SYTL2: variants seen among roughly 807,000 people sequenced by gnomAD.
The protein encoded by SYTL2 is synaptotagmin-like protein 2.
Under a neutral mutation model 198.7 loss-of-function variants are expected in SYTL2, and 165 were observed. The observed-to-expected ratio is 0.83, with a 90% confidence interval of 0.73 to 0.94. SYTL2 has a LOEUF of 0.94. SYTL2 is among the 40% of genes least tolerant of loss of function. The probability of loss-of-function intolerance (pLI) is 0.00; values close to 1 mark genes in which losing one functional copy is unlikely to be tolerated. For synonymous variants in SYTL2, 966 were observed against 917.7 expected (o/e 1.05, Z -0.95); for missense variants, 2,835 against 2,582.8 (o/e 1.10, Z -2.12).
chr11:85,715,270 A>G (rs897857335), intron 11 of SYTL2: 9 of 152,084 alleles, frequency 5.9e-5, no homozygotes, highest in Admixed American at 4.6e-4. Flanking sequence ...TTAGAAAACT[A>G]TTTTCTTCTT....
intron 1 of SYTL2, among the ~76,000 whole-genome samples, chr11:85,769,278 A>G (rs1223740861): frequency 6.6e-6 from 1 of 152,214 alleles, no homozygotes; most frequent in African/African-American, 2.4e-5. Context: ...TAGATTATCT[A>G]ATGAGGCCCA....
chr11:85,819,377 T>C, the SYTL2 span, among the ~76,000 whole-genome samples: 1 of 152,242 alleles, frequency 6.6e-6, no homozygotes, highest in Non-Finnish European at 1.5e-5. Flanking sequence ...CTCACGATTC[T>C]GTGGGTTGGA....
At position 85,724,932 on chromosome 11, in the gene SYTL2, G is replaced by A. The variant is rs761004510; in HGVS notation, c.4426C>T (p.Pro1476Ser). 5 of 1,614,088 alleles carry A rather than the reference G, an allele frequency of 3.1e-6. No individual in the cohort carries two copies. Among genetic ancestry groups the A allele is most frequent in the African/African-American group, 1.3e-5 (1 of 75,036 alleles). The change falls in exon 8 of 20, where the codon CCT becomes TCT. Residue 1476 changes from proline to serine, a missense_variant. Pro to Ser is a moderately conservative substitution (Grantham distance 74). Transcript: ENST00000359152. ...SIVAQYGKGLPQEVEEIVRET... is the reference protein window; with the variant it reads ...SIVAQYGKGLSQEVEEIVRET... ...CTCACAATTTCTTCCACTTCCTGAG[G>A]GAGGCCTTTGCCATATTGAGCAACA...
chr11:85,852,430 G>A, the SYTL2 span: 3 of 152,734 alleles, frequency 2.0e-5, no homozygotes, highest in Non-Finnish European at 4.4e-5. Context: ...CCCAGCGGAA[G>A]CTGGACTGTA....
In SYTL2 at chr11:85,757,721, A is replaced by G. The variant is rs2091948810; in HGVS notation, c.5T>C (p.Ile2Thr). 1 of 1,612,434 alleles carries G rather than the reference A, an allele frequency of 6.2e-7. No individual in the cohort carries two copies. The highest frequency in any genetic ancestry group is 8.5e-7 in the Non-Finnish European group (1 of 1,179,926). Residue 2 changes from isoleucine (I) to threonine (T), a missense_variant, in exon 2 of 20, where the codon ATT (isoleucine) becomes ACT (threonine). Ile to Thr is a moderately conservative substitution (Grantham distance 89). This residue lies in a region of SYTL2 where 2,645 missense variants were observed against 2,381.7 expected (regional missense o/e 1.11). Coordinates refer to ENST00000359152, the MANE Select transcript of SYTL2 (RefSeq NM_206927.4). ...CTCTTCAGTCAGGAAGCTTAAGTCA[A>G]TCATTTTGAAAAGTGCATGCAAAAA... is the stretch of plus-strand genomic sequence containing the variant. M[I>T]DLSFLTEEEQ...
At chr11:85,822,697 CAAGAAGGAA>C in the SYTL2 span, among the ~76,000 whole-genome samples, 1 of 152,094 alleles carries the variant, frequency 6.6e-6, no homozygotes, top group African/African-American at 2.4e-5. Flanking sequence ...TAGATAAAGA[CAAGAAGGAA>C]TCCCAAGGAA....
intron 1 of SYTL2, among the ~76,000 whole-genome samples, chr11:85,784,763 A>C (rs1566021304): frequency 6.6e-6 from 1 of 152,160 alleles, no homozygotes; most frequent in East Asian, 1.9e-4. Context: ...AGCCTTTAAC[A>C]TTCACACACA....
the SYTL2 span, among the ~76,000 whole-genome samples, chr11:85,841,794 A>G: frequency 6.6e-6 from 1 of 152,178 alleles, no homozygotes; most frequent in African/African-American, 2.4e-5. Context: ...TATATAACAA[A>G]CCTGCACATG....
the SYTL2 span, chr11:85,853,694 C>T: frequency 6.5e-6 from 1 of 154,382 alleles, no homozygotes; most frequent in Non-Finnish European, 1.4e-5. Flanking sequence ...GAAAAGGGCC[C>T]CAAAGTGACG....
chr11:85,851,625 G>C, the SYTL2 span, among the ~76,000 whole-genome samples: 1 of 152,198 alleles, frequency 6.6e-6, no homozygotes, highest in Non-Finnish European at 1.5e-5. Context: ...GCTTCACACT[G>C]ACCACCAACT....
At chr11:85,752,942 A>AC (rs1451360606) in intron 2 of SYTL2, among the ~76,000 whole-genome samples, 7 of 142,996 alleles carry the variant, frequency 4.9e-5, no homozygotes, top group South Asian at 2.3e-4. Context: ...AAAAAAAAAA[A>AC]AAAAAAAAAC....
chr11:85,709,501 C>T lies in SYTL2; in HGVS notation c.5746-1G>A. 2 of 1,613,372 alleles carry T rather than the reference C, an allele frequency of 1.2e-6. No homozygotes were observed. The highest frequency in any genetic ancestry group is 2.2e-5 in the South Asian group (2 of 91,050). ...AAACACTCATCACACTGCCACTCAC[C>T]TGAAAGCATCAGAAATACATAGTGT... On this transcript the variant is annotated splice_acceptor_variant, in intron 13 of 19. Transcript: ENST00000359152. LOFTEE classifies it high-confidence loss of function.
At chr11:85,771,135 C>T (rs1446561744) in intron 1 of SYTL2, among the ~76,000 whole-genome samples, 1 of 152,154 alleles carries the variant, frequency 6.6e-6, no homozygotes, top group Non-Finnish European at 1.5e-5. Flanking sequence ...CCATTTTTAG[C>T]CACACTGCAC....
the SYTL2 span, among the ~76,000 whole-genome samples, chr11:85,823,558 A>T: frequency 6.6e-6 from 1 of 152,230 alleles, no homozygotes; most frequent in Non-Finnish European, 1.5e-5. Flanking sequence ...AAAATGTACT[A>T]ATTTATTTCC....
At chr11:85,695,576 G>A (rs2083296963) in intron 19 of SYTL2, among the ~76,000 whole-genome samples, 1 of 152,126 alleles carries the variant, frequency 6.6e-6, no homozygotes, top group Non-Finnish European at 1.5e-5. Flanking sequence ...TAATGTAAAG[G>A]CCAGATGAAA....
chr11:85,832,980 A>T, the SYTL2 span, among the ~76,000 whole-genome samples: 1 of 144,238 alleles, frequency 6.9e-6, no homozygotes, highest in Non-Finnish European at 1.5e-5. Context: ...TGGCCAACAC[A>T]GGGAGACCCT....
the SYTL2 span, among the ~76,000 whole-genome samples, chr11:85,836,487 CATG>C: frequency 6.6e-6 from 1 of 151,844 alleles, no homozygotes; most frequent in African/African-American, 2.4e-5. Flanking sequence ...GTAAAATTAT[CATG>C]ATAATAATAA....
intron 4 of SYTL2, among the ~76,000 whole-genome samples, chr11:85,741,156 C>T (rs186746817): frequency 1.8e-4 from 27 of 151,304 alleles, no homozygotes; most frequent in African/African-American, 5.8e-4. Flanking sequence ...GTTTTGATCT[C>T]TCCCTTTGTA....
chr11:85,850,724 C>T, the SYTL2 span, among the ~76,000 whole-genome samples: 1 of 150,982 alleles, frequency 6.6e-6, no homozygotes, highest in Non-Finnish European at 1.5e-5. Context: ...GACACATGCA[C>T]ACGTATGTTT....
Sources: allele counts gnomAD v4.1 joint callset (sites outside exome capture counted in the v4.1 genomes callset), GRCh38; gene constraint gnomAD v4.1.1; regional missense constraint gnomAD v4.1.1; transcripts MANE v1.5; gene names NCBI Gene and HGNC (gene_info 2026-07-23, HGNC 2026-07-21).